Variants in NDRG3 observed in about 807,000 individuals in gnomAD.
NDRG3 encodes the protein protein NDRG3.
A neutral mutation model predicts 57.2 loss-of-function variants in NDRG3; 23 were observed. That is an observed-to-expected ratio of 0.40 (90% confidence interval 0.29 to 0.57). The LOEUF is 0.57. Among genes scored for constraint, NDRG3 ranks in the 20% least tolerant of loss-of-function variants. The pLI, the probability that NDRG3 is intolerant of heterozygous loss-of-function variation, is 0.42. For synonymous variants in NDRG3, 132 were observed against 162.6 expected (o/e 0.81, Z 1.43); for missense variants, 384 against 457.3 (o/e 0.84, Z 1.46).
intron 12 of NDRG3, among the ~76,000 whole-genome samples, chr20:36,664,656 T>C (rs762818255): frequency 6.6e-6 from 1 of 152,134 alleles, no homozygotes; most frequent in Non-Finnish European, 1.5e-5. Context: ...CAAAAACTAG[T>C]ATTTACCGAC....
At chr20:36,704,917 GAAAA>G (rs1427465947) in intron 3 of NDRG3, among the ~76,000 whole-genome samples, 1 of 152,032 alleles carries the variant, frequency 6.6e-6, no homozygotes, top group African/African-American at 2.4e-5. Context: ...GTCCAGGTGG[GAAAA>G]AATGGGCAAC....
intron 3 of NDRG3, among the ~76,000 whole-genome samples, chr20:36,703,798 C>T (rs575298350): frequency 6.6e-6 from 1 of 151,940 alleles, no homozygotes; most frequent in Non-Finnish European, 1.5e-5. Flanking sequence ...TTCACAAGGC[C>T]GGAACATGTT....
In NDRG3 at chr20:36,653,722, G is replaced by A. The variant is rs1412181428; in HGVS notation, c.947-21C>T. 4 of 1,603,942 alleles carry A rather than the reference G, an allele frequency of 2.5e-6. No individual in the cohort carries two copies. Among genetic ancestry groups the A allele is most frequent in the South Asian group, 2.2e-5 (2 of 90,716 alleles). Reference sequence around the variant, plus strand: ...TGGTACTGTAACAGAGAACCAAGGGGACTAGAAGATGAAGCCCCGGTTAAG... The same window carrying A: ...TGGTACTGTAACAGAGAACCAAGGGAACTAGAAGATGAAGCCCCGGTTAAG... On this transcript the variant is annotated intron_variant, in intron 15 of 15. Transcript: ENST00000349004. The surrounding 1 kb of genome is among the most constrained non-coding windows in gnomAD (Gnocchi z 4.2).
chr20:36,653,210 T>G lies in NDRG3; in HGVS notation c.*310A>C. On this transcript the variant is annotated 3_prime_UTR_variant, in exon 16 of 16. Coordinates refer to ENST00000349004, the MANE Select transcript of NDRG3 (RefSeq NM_032013.4). This position sits in a 1 kb window ranked among gnomAD's most constrained non-coding sequence, Gnocchi z 4.2. Reference sequence around the variant, plus strand: ...GACACGCGTGCTCGCACACACAGAGTCGGGATCAAAGAATCTTATCTGATA... The same window carrying G: ...GACACGCGTGCTCGCACACACAGAGGCGGGATCAAAGAATCTTATCTGATA... The G allele has an allele frequency of 3.9e-6, 1 of 255,672 alleles. No homozygotes were observed. Among genetic ancestry groups the G allele is most frequent in the Non-Finnish European group, 7.5e-6 (1 of 133,760 alleles). The allele number at this position is 255,672 out of a possible 1,614,324, so 15.8% of individuals were successfully genotyped here. A position where few individuals can be genotyped will look rare whatever the true frequency, so the allele number is the denominator to read the frequency against.
chr20:36,730,204 G>A (rs1189592197), intron 1 of NDRG3, among the ~76,000 whole-genome samples: 4 of 149,956 alleles, frequency 2.7e-5, no homozygotes, highest in Admixed American at 2.7e-4. Flanking sequence ...GTGAGATTGT[G>A]CCACTGCACT....
intron 1 of NDRG3, among the ~76,000 whole-genome samples, chr20:36,724,618 T>C (rs1358047848): frequency 3.3e-5 from 5 of 152,208 alleles, no homozygotes. Context: ...TATCAGTTAT[T>C]TTAAATGGCA....
intron 1 of NDRG3, among the ~76,000 whole-genome samples, chr20:36,740,081 T>C (rs1431793660): frequency 6.6e-6 from 1 of 152,150 alleles, no homozygotes; most frequent in African/African-American, 2.4e-5. Context: ...TCAAATGCTA[T>C]AGCTAAAGCC....
chr20:36,691,133 AG>A (rs944467594), intron 3 of NDRG3, among the ~76,000 whole-genome samples: 20 of 152,242 alleles, frequency 1.3e-4, no homozygotes, highest in South Asian at 6.2e-4. Flanking sequence ...AAAAAGGCAA[AG>A]GGCTTCCAGT....
chr20:36,707,595 C>T (rs930074267), intron 2 of NDRG3, among the ~76,000 whole-genome samples: 4 of 151,946 alleles, frequency 2.6e-5, no homozygotes. Flanking sequence ...CCTATGAAAT[C>T]GCTGATAGGG....
chr20:36,736,633 G>T (rs1417598671), intron 1 of NDRG3, among the ~76,000 whole-genome samples: 2 of 152,148 alleles, frequency 1.3e-5, no homozygotes, highest in African/African-American at 4.8e-5. Flanking sequence ...TACGGTAATG[G>T]ATGTTGGTTC....
chr20:36,671,375 A>G lies in NDRG3; in HGVS notation c.554T>C (p.Val185Ala). ...GTGATGAGCCAAAATAATGTCCACA[A>G]CATTGGTTGTCAGGCCAGAGAGCTG... ...ASKLSGLTTN[V>A]VDIILAHHFG... Residue 185 changes from valine to alanine, a missense_variant, in exon 9 of 16, where the codon GTT (valine) becomes GCT (alanine). Physicochemically the swap from Val to Ala is moderately conservative, Grantham distance 64 (BLOSUM62 0). Coordinates refer to ENST00000349004, the MANE Select transcript of NDRG3 (RefSeq NM_032013.4). 1.2e-6 allele frequency: 2 copies of G among 1,614,056 alleles called. No individual in the cohort carries two copies. Among genetic ancestry groups the G allele is most frequent in the Non-Finnish European group, 1.7e-6 (2 of 1,179,918 alleles).
chr20:36,743,796 CAACAGAGCGAGACTCCGTCTCAAAA>C (rs1986039801), intron 1 of NDRG3, among the ~76,000 whole-genome samples: 1 of 147,896 alleles, frequency 6.8e-6, no homozygotes, highest in South Asian at 2.2e-4. Context: ...CCAGCCTGGG[CAACAGAGCGAGACTCCGTCTCAAAA>C]AACAAACAAA....
At chr20:36,691,194 T>G (rs898795966) in intron 3 of NDRG3, among the ~76,000 whole-genome samples, 2 of 152,208 alleles carry the variant, frequency 1.3e-5, no homozygotes, top group Non-Finnish European at 2.9e-5. Flanking sequence ...GTTTCTTCTC[T>G]GATGTGGGCA....
intron 8 of NDRG3, among the ~76,000 whole-genome samples, chr20:36,676,131 T>A (rs1980681158): frequency 6.6e-6 from 1 of 151,862 alleles, no homozygotes; most frequent in South Asian, 2.1e-4. Context: ...TCCCAGCTAC[T>A]TGGGAGGCTG....
intron 4 of NDRG3, among the ~76,000 whole-genome samples, chr20:36,688,061 G>A (rs576655814): frequency 6.6e-6 from 1 of 152,354 alleles, no homozygotes; most frequent in South Asian, 2.1e-4. Flanking sequence ...GAAGGGAGGG[G>A]CTGCTGCTTC....
At chr20:36,667,812 G>A (rs1247894886) in intron 9 of NDRG3, among the ~76,000 whole-genome samples, 2 of 152,044 alleles carry the variant, frequency 1.3e-5, no homozygotes, top group Admixed American at 1.3e-4. Context: ...ACAACCATGT[G>A]GATGAAATGA....
At chr20:36,738,917 A>T (rs7271293) in intron 1 of NDRG3, among the ~76,000 whole-genome samples, 3 of 149,072 alleles carry the variant, frequency 2.0e-5, no homozygotes, top group African/African-American at 5.0e-5. Context: ...TGAGGTCAGG[A>T]GTTCAAGACC....
intron 9 of NDRG3, among the ~76,000 whole-genome samples, chr20:36,667,174 T>C (rs1275548153): frequency 6.6e-6 from 1 of 152,230 alleles, no homozygotes. Context: ...CCTATCTATA[T>C]ATACCACCAT....
chr20:36,731,026 A>G (rs551319387), intron 1 of NDRG3, among the ~76,000 whole-genome samples: 36 of 152,276 alleles, frequency 2.4e-4, no homozygotes, highest in African/African-American at 7.2e-4. Context: ...TGGGGAGATA[A>G]AAGAATTATG....
Sources: allele counts gnomAD v4.1 joint callset (sites outside exome capture counted in the v4.1 genomes callset), GRCh38; gene constraint gnomAD v4.1.1; non-coding constraint Gnocchi (gnomAD v3.1); transcripts MANE v1.5; gene names NCBI Gene and HGNC (gene_info 2026-07-23, HGNC 2026-07-21).